Variants in CYP19A1 observed in about 807,000 individuals in gnomAD.
The protein encoded by CYP19A1 is cytochrome P450 family 19 subfamily A member 1.
CYP19A1 carries 32 observed loss-of-function variants against 44.4 expected under a neutral mutation model. The ratio of observed to expected loss-of-function variants is 0.72; its 90% CI spans 0.54 to 0.97. CYP19A1 has a LOEUF of 0.97. Among genes scored for constraint, CYP19A1 ranks in the 50% least tolerant of loss-of-function variants. The pLI, the probability that CYP19A1 is intolerant of heterozygous loss-of-function variation, is 0.00. For missense variants in CYP19A1, 598 were observed against 637.8 expected (o/e 0.94, Z 0.67); for synonymous variants, 212 against 215.6 (o/e 0.98, Z 0.14).
chr15:51,283,338 C>T (rs1264726934), intron 1 of CYP19A1, among the ~76,000 whole-genome samples: 1 of 152,210 alleles, frequency 6.6e-6, no homozygotes, highest in Non-Finnish European at 1.5e-5. Flanking sequence ...AACACCACTC[C>T]TGTAGTTGCA....
intron 4 of CYP19A1, among the ~76,000 whole-genome samples, chr15:51,227,321 G>C (rs1595689781): frequency 2.0e-5 from 3 of 152,186 alleles, no homozygotes; most frequent in African/African-American, 4.8e-5. Flanking sequence ...CTACAACAGA[G>C]TAAAGGCATA....
At chr15:51,250,489 G>A (rs1303023535) in intron 1 of CYP19A1, among the ~76,000 whole-genome samples, 1 of 152,206 alleles carries the variant, frequency 6.6e-6, no homozygotes, top group Non-Finnish European at 1.5e-5. Flanking sequence ...TGGTGCTTCT[G>A]GTTCCTCAGA....
chr15:51,317,478 C>T (rs1224115008), intron 1 of CYP19A1, among the ~76,000 whole-genome samples: 1 of 152,190 alleles, frequency 6.6e-6, no homozygotes. Flanking sequence ...CTAATCCTAA[C>T]TGAGAAAACA....
chr15:51,271,031 G>T (rs2035105839), intron 1 of CYP19A1, among the ~76,000 whole-genome samples: 1 of 136,852 alleles, frequency 7.3e-6, no homozygotes. Context: ...TGAACTATGT[G>T]CAAGTCTAAG....
intron 1 of CYP19A1, among the ~76,000 whole-genome samples, chr15:51,305,710 A>G (rs2036203264): frequency 1.3e-5 from 2 of 152,080 alleles, no homozygotes; most frequent in African/African-American, 4.8e-5. Context: ...ACAGGCATGC[A>G]TCACCACACT....
chr15:51,258,328 C>G (rs1434924120), intron 1 of CYP19A1, among the ~76,000 whole-genome samples: 2 of 152,216 alleles, frequency 1.3e-5, no homozygotes, highest in African/African-American at 4.8e-5. Context: ...GTTGTTCTCT[C>G]CAGCCTGCCG....
chr15:51,225,132 G>A (rs2032464006), intron 4 of CYP19A1, among the ~76,000 whole-genome samples: 1 of 152,188 alleles, frequency 6.6e-6, no homozygotes, highest in African/African-American at 2.4e-5. Flanking sequence ...GTGCTGGGCT[G>A]CCCCTTCCTA....
chr15:51,274,709 A>G (rs2035242609), intron 1 of CYP19A1, among the ~76,000 whole-genome samples: 3 of 152,338 alleles, frequency 2.0e-5, no homozygotes, highest in African/African-American at 7.2e-5. Context: ...AGAGATGCAC[A>G]GAGTGTTTAT....
At chr15:51,319,955 C>T (rs1239903749) in intron 1 of CYP19A1, among the ~76,000 whole-genome samples, 2 of 152,226 alleles carry the variant, frequency 1.3e-5, no homozygotes, top group Non-Finnish European at 2.9e-5. Context: ...ATGTGAACAC[C>T]TTCTGAGGGT....
intron 1 of CYP19A1, among the ~76,000 whole-genome samples, chr15:51,338,206 G>A (rs2036808294): frequency 6.6e-6 from 1 of 152,186 alleles, no homozygotes; most frequent in African/African-American, 2.4e-5. Flanking sequence ...CCATTGGATA[G>A]CCAGCCTTTC....
chr15:51,267,538 C>A (rs1164582915), intron 1 of CYP19A1, among the ~76,000 whole-genome samples: 1 of 152,158 alleles, frequency 6.6e-6, no homozygotes, highest in Non-Finnish European at 1.5e-5. Flanking sequence ...GCGCCGCCCC[C>A]ACGTCCGTGG....
chr15:51,278,774 G>A (rs2035415990), intron 1 of CYP19A1, among the ~76,000 whole-genome samples: 1 of 152,150 alleles, frequency 6.6e-6, no homozygotes, highest in Admixed American at 6.5e-5. Context: ...CTCTGAGGGA[G>A]GAAATACAAT....
chr15:51,243,934 C>G (rs2033932731), intron 1 of CYP19A1, among the ~76,000 whole-genome samples: 1 of 152,176 alleles, frequency 6.6e-6, no homozygotes, highest in Non-Finnish European at 1.5e-5. Flanking sequence ...GTAGGTTGAA[C>G]AAACTTGTAT....
chr15:51,333,557 A>C (rs28757072), intron 1 of CYP19A1, among the ~76,000 whole-genome samples: 1 of 152,268 alleles, frequency 6.6e-6, no homozygotes, highest in South Asian at 2.1e-4. Flanking sequence ...TGACCTAAAA[A>C]GTCACATTTT....
intron 1 of CYP19A1, chr15:51,312,544 C>T (rs1324143958): frequency 7.2e-5 from 11 of 152,332 alleles, no homozygotes. Context: ...TCCTCTTTCC[C>T]ATCACCAAGA....
chr15:51,329,654 T>A (rs972320039), intron 1 of CYP19A1, among the ~76,000 whole-genome samples: 6 of 152,216 alleles, frequency 3.9e-5, no homozygotes, highest in Admixed American at 6.5e-5. Flanking sequence ...ATGAAACTGA[T>A]CACTCCTCTT....
Position 51,209,718 on chromosome 15 carries a change from C to T in CYP19A1, c.*1090G>A, listed in dbSNP as rs1326321213. 6.6e-6 allele frequency: 1 copy of T among 152,532 alleles called. No homozygotes were observed. Among genetic ancestry groups the T allele is most frequent in the Non-Finnish European group, 1.5e-5 (1 of 68,048 alleles). 9.4% of individuals were successfully genotyped at this position (152,532 alleles called of 1,614,324 possible). A position where few individuals can be genotyped will look rare whatever the true frequency, so the allele number is the denominator to read the frequency against. On this transcript the variant is annotated 3_prime_UTR_variant, in exon 10 of 10. Coordinates refer to ENST00000396402, the MANE Select transcript of CYP19A1 (RefSeq NM_000103.4). ...TTTGAGGTAGGATTAAAAAATACTTCAGGGGTTCTACTCTGACCACGTTCT... is the reference window on the plus strand; with the variant it reads ...TTTGAGGTAGGATTAAAAAATACTTTAGGGGTTCTACTCTGACCACGTTCT...
chr15:51,303,739 T>C (rs1297614113), intron 1 of CYP19A1, among the ~76,000 whole-genome samples: 1 of 152,168 alleles, frequency 6.6e-6, no homozygotes, highest in Non-Finnish European at 1.5e-5. Flanking sequence ...TAGAGCTGAT[T>C]AGATGGCAGG....
intron 1 of CYP19A1, among the ~76,000 whole-genome samples, chr15:51,325,713 C>T (rs1457337330): frequency 6.6e-6 from 1 of 152,002 alleles, no homozygotes; most frequent in African/African-American, 2.4e-5. Flanking sequence ...TGGCACATGC[C>T]TGTAATCCCA....
Sources: allele counts gnomAD v4.1 joint callset (sites outside exome capture counted in the v4.1 genomes callset), GRCh38; gene constraint gnomAD v4.1.1; transcripts MANE v1.5; gene names NCBI Gene and HGNC (gene_info 2026-07-23, HGNC 2026-07-21).